MAST2: variants seen among roughly 807,000 people sequenced by gnomAD.
MAST2 encodes the protein microtubule associated serine/threonine kinase 2.
In MAST2, 70 loss-of-function variants were observed where a neutral mutation model predicts 147.4. The observed-to-expected ratio is 0.47, with a 90% CI of 0.39 to 0.58. MAST2 has a LOEUF of 0.58. Ranked by LOEUF, MAST2 falls within the 20% of genes least tolerant of loss-of-function variation. MAST2 has a pLI of 0.00. For synonymous variants in MAST2, 869 were observed against 896.8 expected, an observed-to-expected ratio of 0.97 and a Z score of 0.55; for missense variants, 2,080 against 2,302.3, an observed-to-expected ratio of 0.90 and a Z score of 1.98.
intron 5 of MAST2, among the ~76,000 whole-genome samples, chr1:45,976,040 T>G (rs943272024): frequency 1.3e-5 from 2 of 151,890 alleles, no homozygotes; most frequent in Non-Finnish European, 2.9e-5. Context: ...AGTGGTGCAA[T>G]TTCGGCTCAC....
chr1:45,863,646 A>G (rs1646052359), intron 3 of MAST2, among the ~76,000 whole-genome samples: 1 of 152,194 alleles, frequency 6.6e-6, no homozygotes, highest in Non-Finnish European at 1.5e-5. Context: ...TGTTGGTTGC[A>G]GCTGTCATAA....
intron 4 of MAST2, among the ~76,000 whole-genome samples, chr1:45,946,765 T>C (rs1658094121): frequency 6.6e-6 from 1 of 152,186 alleles, no homozygotes; most frequent in East Asian, 1.9e-4. Flanking sequence ...CTCTCTTTAT[T>C]GTGTCCTGAT....
rs1646832370 is a variant in MAST2 at position 46,034,803 on chromosome 1, T to G, written c.4134T>G (p.Leu1378=). The change falls in exon 29 of 29, where the codon CTT becomes CTG. Residue 1378 remains leucine (L), a synonymous_variant. Coordinates refer to ENST00000361297, the MANE Select transcript of MAST2 (RefSeq NM_015112.3). The stretch of plus-strand genomic sequence containing the variant: ...TAGCCCAGGCCTTTCCCACAAAGCT[T>G]CACTTGTCACCTCCCCTGGGCAGGC... ...GHVAQAFPTK[L]HLSPPLGRQL... The G allele has an allele frequency of 1.2e-5, 19 of 1,613,750 alleles. No individual in the cohort carries two copies. Among genetic ancestry groups the G allele is most frequent in the Non-Finnish European group, 1.6e-5 (19 of 1,180,006 alleles).
In MAST2 at chr1:46,019,666, T is replaced by C; in HGVS notation, c.1259T>C (p.Ile420Thr). 1 of 1,614,170 alleles carries C rather than the reference T, an allele frequency of 6.2e-7. No homozygotes were observed. The highest frequency in any genetic ancestry group is 8.5e-7 in the Non-Finnish European group (1 of 1,180,022). Residue 420 changes from isoleucine to threonine, a missense_variant, in exon 11 of 29, where the codon ATT (isoleucine) becomes ACT (threonine). Ile to Thr is a moderately conservative substitution (Grantham distance 89, BLOSUM62 -1). This residue lies in a region of MAST2 where 569 missense variants were observed against 642.5 expected (regional missense o/e 0.89). Coordinates refer to ENST00000361297, the MANE Select transcript of MAST2 (RefSeq NM_015112.3). ...CTGGTGAAAAAGCTGATGATTATCA[T>C]TGCCCGCCCAGCACGTCTCCTGGAA... Reference protein sequence around the residue: ...MQLVKKLMIIIARPARLLECL... With the variant: ...MQLVKKLMIITARPARLLECL...
intron 3 of MAST2, among the ~76,000 whole-genome samples, chr1:45,841,095 G>A (rs1366785250): frequency 6.6e-6 from 1 of 152,014 alleles, no homozygotes; most frequent in Non-Finnish European, 1.5e-5. Flanking sequence ...CCCGGAAGCT[G>A]GGACCACAGT....
In MAST2 at chr1:45,899,798, T is replaced by C. The variant is rs774040696; in HGVS notation, c.500+17403T>C. Among the ~76,000 whole-genome samples the C allele has an allele frequency of 2.8e-4, 42 of 152,104 alleles. 1 individual carries two copies. The Middle Eastern group carries it at 0.034, about 123-fold the overall frequency. ...TGTAGGTGTCTTTTTGATAAAATAA[T>C]TTTCTTATGCTATGTCATCAGGCCC... On this transcript the variant is annotated intron_variant, in intron 4 of 28. Coordinates refer to ENST00000361297, the MANE Select transcript of MAST2 (RefSeq NM_015112.3).
chr1:45,844,712 G>A (rs186438890), intron 3 of MAST2, among the ~76,000 whole-genome samples: 1 of 152,266 alleles, frequency 6.6e-6, no homozygotes, highest in East Asian at 1.9e-4. Flanking sequence ...GTGAGCCACT[G>A]CACCTGCCAA....
intron 5 of MAST2, among the ~76,000 whole-genome samples, chr1:45,985,392 C>T (rs2149082849): frequency 6.6e-6 from 1 of 152,296 alleles, no homozygotes; most frequent in East Asian, 1.9e-4. Flanking sequence ...CCGCACCCAG[C>T]CAGCTTTCGA....
At chr1:45,858,967 A>AT (rs1468050258) in intron 3 of MAST2, among the ~76,000 whole-genome samples, 1 of 151,822 alleles carries the variant, frequency 6.6e-6, no homozygotes, top group African/African-American at 2.4e-5. Context: ...CCATTGGTCT[A>AT]TATCTCTGTT....
chr1:45,849,519 C>A (rs569605509), intron 3 of MAST2, among the ~76,000 whole-genome samples: 1 of 102,554 alleles, frequency 9.8e-6, no homozygotes, highest in Admixed American at 1.3e-4. Context: ...TAAAGCTGGA[C>A]CCCCTCTTTT....
chr1:45,907,874 G>T (rs1012744501), intron 4 of MAST2, among the ~76,000 whole-genome samples: 1 of 152,094 alleles, frequency 6.6e-6, no homozygotes, highest in Admixed American at 6.6e-5. Flanking sequence ...CTATATTAAA[G>T]TCAGTTTTGG....
intron 10 of MAST2, among the ~76,000 whole-genome samples, chr1:46,015,421 C>G (rs1645894732): frequency 6.6e-6 from 1 of 152,096 alleles, no homozygotes; most frequent in South Asian, 2.1e-4. Context: ...AATTGATAGA[C>G]CGCTACCAAG....
chr1:45,945,091 G>A (rs1557945066), intron 4 of MAST2, among the ~76,000 whole-genome samples: 5 of 152,154 alleles, frequency 3.3e-5, no homozygotes, highest in Admixed American at 3.3e-4. Flanking sequence ...CTTGAGCCCA[G>A]CAGTTCATAA....
intron 4 of MAST2, among the ~76,000 whole-genome samples, chr1:45,940,167 A>C (rs933975544): frequency 2.0e-5 from 3 of 150,286 alleles, no homozygotes; most frequent in African/African-American, 7.4e-5. Context: ...TAATTTTTGT[A>C]TTTTTAGTAG....
chr1:46,023,404 C>T lies in MAST2; in HGVS notation c.1571+86C>T. On this transcript the variant is annotated intron_variant, in intron 14 of 28. Transcript: ENST00000361297. This position sits in a 1 kb window ranked among gnomAD's most constrained non-coding sequence, Gnocchi z 4.9. ...ATGTGAGAGTGTATGCTGCCCAGTC[C>T]TCTGGGCAGATGCCTCGGGGTGGAC... The T allele has an allele frequency of 7.9e-7, 1 of 1,268,642 alleles. No individual in the cohort carries two copies. The highest frequency in any genetic ancestry group is 1.7e-5 in the Admixed American group (1 of 58,232). 78.6% of individuals were successfully genotyped at this position (1,268,642 alleles called of 1,614,324 possible).
At chr1:45,892,255 G>A (rs905309476) in intron 4 of MAST2, among the ~76,000 whole-genome samples, 1 of 152,136 alleles carries the variant, frequency 6.6e-6, no homozygotes, top group Non-Finnish European at 1.5e-5. Context: ...TCAGTAAGAC[G>A]TTCTTAGTTC....
chr1:45,901,286 A>G (rs771062116), intron 4 of MAST2, among the ~76,000 whole-genome samples: 4 of 152,046 alleles, frequency 2.6e-5, no homozygotes, highest in Non-Finnish European at 5.9e-5. Context: ...ATTGTGGTCA[A>G]CTTTGTTGAA....
chr1:45,939,830 G>C (rs1164703644), intron 4 of MAST2, among the ~76,000 whole-genome samples: 1 of 151,840 alleles, frequency 6.6e-6, no homozygotes, highest in East Asian at 1.9e-4. Flanking sequence ...GTGAGCCACC[G>C]TGCCTGGCCC....
At chr1:45,906,687 AT>A (rs1650802651) in intron 4 of MAST2, among the ~76,000 whole-genome samples, 1 of 148,868 alleles carries the variant, frequency 6.7e-6, no homozygotes, top group African/African-American at 2.4e-5. Context: ...ACATATAATA[AT>A]TATATTATAT....
Sources: allele counts gnomAD v4.1 joint callset (sites outside exome capture counted in the v4.1 genomes callset), GRCh38; gene constraint gnomAD v4.1.1; regional missense constraint gnomAD v4.1.1; non-coding constraint Gnocchi (gnomAD v3.1); transcripts MANE v1.5; gene names NCBI Gene and HGNC (gene_info 2026-07-23, HGNC 2026-07-21).